ANO4: variants seen among roughly 807,000 people sequenced by gnomAD.
ANO4 encodes the protein anoctamin-4.
A neutral mutation model predicts 141.9 loss-of-function variants in ANO4; 69 were observed. The ratio of observed to expected loss-of-function variants is 0.49; its 90% CI spans 0.40 to 0.59. The LOEUF (loss-of-function observed/expected upper bound fraction) is 0.59. Ranked by LOEUF, ANO4 falls within the 20% of genes least tolerant of loss-of-function variation. The pLI is 0.00. For synonymous variants in ANO4, 350 were observed against 394.3 expected, an observed-to-expected ratio of 0.89 and a Z score of 1.33; for missense variants, 894 against 1,162.2, an observed-to-expected ratio of 0.77 and a Z score of 3.36.
intron 1 of ANO4, among the ~76,000 whole-genome samples, chr12:100,900,874 A>G (rs1208501741): frequency 6.6e-6 from 1 of 152,252 alleles, no homozygotes; most frequent in Non-Finnish European, 1.5e-5. Context: ...TCTTCTGAGT[A>G]ACGAATTGGT....
At chr12:101,037,854 G>A (rs588633) in intron 10 of ANO4, among the ~76,000 whole-genome samples, 23,161 of 152,194 alleles carry the variant, frequency 0.15, 2,098 homozygotes, top group East Asian at 0.24. Flanking sequence ...AAAGATAAAT[G>A]TCATAGCCTC....
At position 101,079,296 on chromosome 12, in the gene ANO4, A is replaced by G. The variant is rs371235114; in HGVS notation, c.1395+21A>G. 5.1e-5 allele frequency: 81 copies of G among 1,600,096 alleles called. No homozygotes were observed. The African/African-American group carries it at 9.6e-4, about 19-fold the overall frequency. On this transcript the variant is annotated intron_variant, in intron 15 of 27. Coordinates refer to ENST00000392977, the MANE Select transcript of ANO4 (RefSeq NM_001286615.2). ...AGGAGGTTTGTATCATTTACCTCAG[A>G]ATGTTGTAAAAAGCAAATCACCCAG...
intron 22 of ANO4, among the ~76,000 whole-genome samples, chr12:101,105,919 G>A (rs530773430): frequency 1.3e-5 from 2 of 152,056 alleles, no homozygotes; most frequent in South Asian, 2.1e-4. Context: ...TCAGGAGTTC[G>A]AGACCAACAT....
chr12:101,112,306 G>A (rs948678286), intron 24 of ANO4, among the ~76,000 whole-genome samples: 1 of 152,168 alleles, frequency 6.6e-6, no homozygotes, highest in African/African-American at 2.4e-5. Context: ...TCCTTGGGAG[G>A]ATCAATTCTA....
chr12:100,795,386 GCACT>G (rs2034244616), intron 1 of ANO4, among the ~76,000 whole-genome samples: 1 of 152,192 alleles, frequency 6.6e-6, no homozygotes, highest in Admixed American at 6.5e-5. Flanking sequence ...TGTGCCAGGG[GCACT>G]CACTCAGGAT....
chr12:101,109,609 C>G (rs978535114), intron 22 of ANO4, among the ~76,000 whole-genome samples: 2 of 152,038 alleles, frequency 1.3e-5, no homozygotes, highest in African/African-American at 4.8e-5. Flanking sequence ...TTCCAGGTTC[C>G]TCTGCTAAAA....
At chr12:100,742,791 G>A (rs541300601) in intron 3 of ANO4, among the ~76,000 whole-genome samples, 53 of 152,166 alleles carry the variant, frequency 3.5e-4, no homozygotes, top group African/African-American at 1.3e-3. Context: ...AGCTGTGTTC[G>A]CTATTGTCAC....
chr12:100,962,649 G>A (rs908078571), intron 5 of ANO4, among the ~76,000 whole-genome samples: 12 of 152,150 alleles, frequency 7.9e-5, no homozygotes, highest in African/African-American at 2.9e-4. Context: ...GTAGGTCTGA[G>A]GTCTTCATTT....
At chr12:100,758,754 A>G (rs2032727073) in intron 3 of ANO4, among the ~76,000 whole-genome samples, 1 of 152,192 alleles carries the variant, frequency 6.6e-6, no homozygotes, top group Non-Finnish European at 1.5e-5. Flanking sequence ...AGAAGTTTGA[A>G]ATAAAAATGT....
chr12:100,811,791 G>A (rs1355415422), intron 1 of ANO4, among the ~76,000 whole-genome samples: 3 of 152,040 alleles, frequency 2.0e-5, no homozygotes, highest in African/African-American at 4.8e-5. Flanking sequence ...TGCTGTTGTC[G>A]TCATGAGTCA....
At chr12:100,939,256 C>A in intron 3 of ANO4, 59 bp from the exon 4 acceptor site, 1 of 1,523,066 alleles carries the variant, frequency 6.6e-7, no homozygotes. Context: ...TCTCTTTTAG[C>A]ATTGCTTTCA....
intron 24 of ANO4, among the ~76,000 whole-genome samples, chr12:101,116,356 A>G (rs1210531662): frequency 6.6e-6 from 1 of 152,206 alleles, no homozygotes. Context: ...TGTATCATCA[A>G]CAAAAGAAGC....
At chr12:101,093,292 A>G (rs2049851171) in intron 17 of ANO4, among the ~76,000 whole-genome samples, 1 of 152,186 alleles carries the variant, frequency 6.6e-6, no homozygotes, top group African/African-American at 2.4e-5. Context: ...TAAGCAGGAC[A>G]GGAAGGTCAG....
chr12:100,743,611 AAAAT>A (rs2031969769), intron 3 of ANO4, among the ~76,000 whole-genome samples: 1 of 152,180 alleles, frequency 6.6e-6, no homozygotes, highest in Non-Finnish European at 1.5e-5. Flanking sequence ...TTTGAGGACA[AAAAT>A]AAGGCATGAA....
chr12:101,074,374 G>C (rs1048248177), intron 14 of ANO4, among the ~76,000 whole-genome samples: 2 of 152,288 alleles, frequency 1.3e-5, no homozygotes, highest in East Asian at 3.9e-4. Context: ...TACCCGTCCA[G>C]AAGGGGAAAG....
At chr12:100,898,679 G>A (rs1339941766) in intron 1 of ANO4, among the ~76,000 whole-genome samples, 1 of 151,594 alleles carries the variant, frequency 6.6e-6, no homozygotes, top group African/African-American at 2.4e-5. Flanking sequence ...TCTCATTTAC[G>A]TCATTTTGTG....
intron 2 of ANO4, among the ~76,000 whole-genome samples, chr12:100,911,490 G>A (rs778430827): frequency 4.6e-5 from 7 of 152,300 alleles, no homozygotes; most frequent in East Asian, 1.9e-4. Flanking sequence ...TTGTGTAATC[G>A]TCTTCAAAGT....
intron 1 of ANO4, among the ~76,000 whole-genome samples, chr12:100,846,960 C>T (rs1405967244): frequency 6.6e-6 from 1 of 151,616 alleles, no homozygotes; most frequent in African/African-American, 2.4e-5. Context: ...CCCCCAACTT[C>T]TACTTAATTT....
chr12:101,113,665 A>T (rs1417626447), intron 24 of ANO4, among the ~76,000 whole-genome samples: 1 of 152,192 alleles, frequency 6.6e-6, no homozygotes, highest in African/African-American at 2.4e-5. Context: ...CAATTTAGAA[A>T]TGCTTTAGAA....
Sources: gnomAD v4.1 joint callset for allele counts (sites outside exome capture counted in the v4.1 genomes callset) on GRCh38, gnomAD v4.1.1 for gene constraint, MANE v1.5 for transcripts, NCBI Gene and HGNC (gene_info 2026-07-23, HGNC 2026-07-21) for gene names.